MATK: variants seen among roughly 807,000 people sequenced by gnomAD.
MATK encodes megakaryocyte-associated tyrosine-protein kinase.
In MATK, 41 loss-of-function variants were observed where a neutral mutation model predicts 59.8. The ratio of observed to expected loss-of-function variants is 0.69; its 90% CI spans 0.53 to 0.89. The LOEUF is 0.89. Among genes scored for constraint, MATK ranks in the 40% least tolerant of loss-of-function variants. MATK has a pLI of 0.00. For missense variants in MATK, 593 were observed against 719.6 expected (o/e 0.82, Z 2.01); for synonymous variants, 308 against 306.1 (o/e 1.01, Z -0.06).
Position 3,784,404 on chromosome 19 carries a change from G to C in MATK, c.180C>G (p.Thr60=), listed in dbSNP as rs1323005229. The change falls in exon 4 of 14, where the codon ACC becomes ACG. Residue 60 remains threonine (T), a synonymous_variant. Coordinates refer to ENST00000310132, the MANE Select transcript of MATK (RefSeq NM_139355.3). The part of the protein sequence containing the change: ...GTQCITKCEH[T]RPKPGELAFR... ...AGGCCAGCTCCCCTGGCTTGGGGCG[G>C]GTGTGCTCGCATTTGGTGATACACT... 6 of 1,605,310 alleles carry C rather than the reference G, an allele frequency of 3.7e-6. No homozygotes were observed. Among genetic ancestry groups the C allele is most frequent in the Admixed American group, 1.7e-5 (1 of 59,136 alleles).
chr19:3,783,946 C>G lies in MATK; in HGVS notation c.450G>C (p.Ala150=). The part of the protein sequence containing the change: ...EDGLFLVRES[A]RHPGDYVLCV... Reference sequence around the variant, plus strand: ...ACAGGACGTAGTCGCCGGGGTGGCGCGCGGACTCCCGCACCAGGAACAGCC... The same window carrying G: ...ACAGGACGTAGTCGCCGGGGTGGCGGGCGGACTCCCGCACCAGGAACAGCC... Residue 150 remains alanine (A), a synonymous_variant, in exon 6 of 14, where the codon GCG becomes GCC. Coordinates refer to ENST00000310132, the MANE Select transcript of MATK (RefSeq NM_139355.3). The G allele has an allele frequency of 6.2e-7, 1 of 1,612,510 alleles. No individual in the cohort carries two copies. Among genetic ancestry groups the G allele is most frequent in the Non-Finnish European group, 8.5e-7 (1 of 1,179,726 alleles).
Position 3,779,567 on chromosome 19 carries a change from T to C in MATK, c.893A>G (p.Gln298Arg). The change falls in exon 10 of 14, where the codon CAG becomes CGG. Residue 298 changes from glutamine to arginine, a missense_variant. By Grantham distance (43) the Gln-to-Arg change is conservative. Transcript: ENST00000310132. ...GTGCTCCATGACAATGTACAGCCCC[T>C]GGTGCAGGATCACGCCCAGGAGACG... Reference protein sequence around the residue: ...LVRLLGVILHQGLYIVMEHVS... With the variant: ...LVRLLGVILHRGLYIVMEHVS... The C allele has an allele frequency of 1.2e-6, 2 of 1,611,922 alleles. No individual in the cohort carries two copies. Among genetic ancestry groups the C allele is most frequent in the Non-Finnish European group, 1.7e-6 (2 of 1,179,492 alleles).
At chr19:3,801,661 C>G (rs1314375834) in exon 1 of MATK, 5 of 152,326 alleles carry the variant, frequency 3.3e-5, no homozygotes, top group Admixed American at 6.6e-5. Flanking sequence ...TCCTGCCACC[C>G]GCCGGCCTGC....
chr19:3,785,152 C>A lies in MATK; in HGVS notation c.-17G>T. 1 of 1,613,966 alleles carries A rather than the reference C, an allele frequency of 6.2e-7. No individual in the cohort carries two copies. Among genetic ancestry groups the A allele is most frequent in the Non-Finnish European group, 8.5e-7 (1 of 1,179,968 alleles). Reference sequence around the variant, plus strand: ...CCCCGCCATCGCCCCCAGAGGGAAACTGAGGCAGGTGAGAGGCACACTGAG... The same window carrying A: ...CCCCGCCATCGCCCCCAGAGGGAAAATGAGGCAGGTGAGAGGCACACTGAG... On this transcript the variant is annotated 5_prime_UTR_variant, in exon 2 of 14. Coordinates refer to ENST00000310132, the MANE Select transcript of MATK (RefSeq NM_139355.3).
chr19:3,784,438 G>A lies in MATK; in HGVS notation c.146C>T (p.Pro49Leu), dbSNP rs1268544920. The change falls in exon 4 of 14, where the codon CCG becomes CTG. Residue 49 changes from proline (P) to leucine (L), a missense_variant. Physicochemically the swap from Pro to Leu is moderately conservative, Grantham distance 98. Coordinates refer to ENST00000310132, the MANE Select transcript of MATK (RefSeq NM_139355.3). ...GCATTTGGTGATACACTGGGTGCCC[G>A]GGGCCCAGCGCCTCTGCAGAGGGGG... ...SARMPTRRWA[P>L]GTQCITKCEH... The A allele has an allele frequency of 9.4e-6, 15 of 1,595,602 alleles. No homozygotes were observed. Among genetic ancestry groups the A allele is most frequent in the Non-Finnish European group, 1.2e-5 (14 of 1,174,396 alleles).
intron 7 of MATK, chr19:3,782,840 G>A (rs1156868505): frequency 1.3e-5 from 6 of 479,416 alleles, no homozygotes; most frequent in Non-Finnish European, 2.3e-5. Flanking sequence ...ACCTGGCCAA[G>A]GAGGGAATGC....
At position 3,777,975 on chromosome 19, in the gene MATK, C is replaced by T. The variant is rs1320159508; in HGVS notation, c.*208G>A. The T allele has an allele frequency of 3.2e-6, 2 of 632,054 alleles. No individual in the cohort carries two copies. Among genetic ancestry groups the T allele is most frequent in the Non-Finnish European group, 5.0e-6 (2 of 397,980 alleles). 39.2% of individuals were successfully genotyped at this position (632,054 alleles called of 1,614,324 possible). On this transcript the variant is annotated 3_prime_UTR_variant, in exon 14 of 14. Transcript: ENST00000310132. ...ACAGAGACACACAGGCGCCTAGAGTCCTTAGAATCCGTCTTTATCGGGCGA... is the reference window on the plus strand; with the variant it reads ...ACAGAGACACACAGGCGCCTAGAGTTCTTAGAATCCGTCTTTATCGGGCGA...
At chr19:3,793,715 A>G (rs1024523553) in intron 1 of MATK, among the ~76,000 whole-genome samples, 1 of 150,000 alleles carries the variant, frequency 6.7e-6, no homozygotes. Context: ...GAAAAAAAAA[A>G]AAAATTAGCT....
At chr19:3,799,141 T>C (rs2037621355) in intron 1 of MATK, among the ~76,000 whole-genome samples, 1 of 152,086 alleles carries the variant, frequency 6.6e-6, no homozygotes, top group East Asian at 1.9e-4. Context: ...ATCCCTGCCC[T>C]CCATGGCGCC....
At chr19:3,786,444 G>C (rs1342518116), upstream of MATK, 2 of 970,340 alleles carry the variant, frequency 2.1e-6, 1 homozygote, top group Non-Finnish European at 2.4e-6. This position sits in a 1 kb window ranked among gnomAD's most constrained non-coding sequence, Gnocchi z 4.1. Flanking sequence ...CGCGGCCCCC[G>C]GCGCCTCCCG....
At position 3,786,169 on chromosome 19, in the gene MATK, C is replaced by A; in HGVS notation, c.-152G>T. ...CACGTCTCCCCGCCGACGTGCTCAC[C>A]TGCTCAGGGGGCGCCCCCGAGCCGC... On this transcript the variant is annotated splice_region_variant and 5_prime_UTR_variant, in exon 1 of 14. Coordinates refer to ENST00000310132, the MANE Select transcript of MATK (RefSeq NM_139355.3). This position sits in a 1 kb window ranked among gnomAD's most constrained non-coding sequence, Gnocchi z 4.1. 1 of 979,576 alleles carries A rather than the reference C, an allele frequency of 1.0e-6. No individual in the cohort carries two copies. Among genetic ancestry groups the A allele is most frequent in the Non-Finnish European group, 1.2e-6 (1 of 824,826 alleles). The allele number at this position is 979,576 out of a possible 1,614,324, so 60.7% of individuals were successfully genotyped here.
chr19:3,793,935 G>A (rs972105080), intron 1 of MATK, among the ~76,000 whole-genome samples: 7 of 151,834 alleles, frequency 4.6e-5, no homozygotes, highest in South Asian at 2.1e-4. Flanking sequence ...TGTGCCTCCC[G>A]GTGCTTTGTC....
At chr19:3,783,674 G>A (rs1293066651) in intron 6 of MATK, 140 bp downstream of exon 6, 5 of 734,694 alleles carry the variant, frequency 6.8e-6, no homozygotes, top group Non-Finnish European at 1.1e-5. Flanking sequence ...CAGCACAGGA[G>A]GTAGGGATGG....
At chr19:3,793,518 A>T (rs1367100702) in intron 1 of MATK, 1 of 152,266 alleles carries the variant, frequency 6.6e-6, no homozygotes, top group Admixed American at 6.5e-5. Context: ...TCTGGCTAAC[A>T]TGGTGAAACC....
In MATK at chr19:3,778,050, G is replaced by A. The variant is rs2037339593; in HGVS notation, c.*133C>T. 5 of 1,337,170 alleles carry A rather than the reference G, an allele frequency of 3.7e-6. No individual in the cohort carries two copies. Among genetic ancestry groups the A allele is most frequent in the African/African-American group, 1.5e-5 (1 of 65,552 alleles). 82.8% of individuals were successfully genotyped at this position (1,337,170 alleles called of 1,614,324 possible). A position where few individuals can be genotyped will look rare whatever the true frequency, so the allele number is the denominator to read the frequency against. On this transcript the variant is annotated 3_prime_UTR_variant, in exon 14 of 14. Coordinates refer to ENST00000310132, the MANE Select transcript of MATK (RefSeq NM_139355.3). Reference sequence around the variant, plus strand: ...CCACGGGCCGCCCAGAGCCCCCTACGTGGGCCAGCCCCTGCTGTGGGCACC... The same window carrying A: ...CCACGGGCCGCCCAGAGCCCCCTACATGGGCCAGCCCCTGCTGTGGGCACC...
intron 3 of MATK, 173 bp downstream of exon 3, chr19:3,784,652 G>T: frequency 1.5e-6 from 1 of 680,190 alleles, no homozygotes. Flanking sequence ...GTCACAAAGA[G>T]AGGCGGCCTG....
intron 7 of MATK, 111 bp from the exon 8 acceptor site, chr19:3,781,783 A>G (rs1177372302): frequency 1.6e-5 from 14 of 857,664 alleles, no homozygotes; most frequent in Non-Finnish European, 2.5e-5. Flanking sequence ...GCAGCTGTGG[A>G]TACACATTTG....
At chr19:3,798,324 C>T (rs865849976) in intron 1 of MATK, among the ~76,000 whole-genome samples, 2 of 142,034 alleles carry the variant, frequency 1.4e-5, no homozygotes, top group Non-Finnish European at 3.0e-5. Context: ...ACAGAGCTGA[C>T]GGAAGCCTCC....
chr19:3,793,987 T>C (rs2037569063), intron 1 of MATK, among the ~76,000 whole-genome samples: 1 of 152,162 alleles, frequency 6.6e-6, no homozygotes, highest in Non-Finnish European at 1.5e-5. Context: ...GCTCCCAGCT[T>C]CTCCCTTGTC....
Sources: gnomAD v4.1 joint callset for allele counts (sites outside exome capture counted in the v4.1 genomes callset) on GRCh38, gnomAD v4.1.1 for gene constraint, Gnocchi (gnomAD v3.1) non-coding constraint, MANE v1.5 for transcripts, NCBI Gene and HGNC (gene_info 2026-07-23, HGNC 2026-07-21) for gene names.